Variants in NEO1 observed in about 807,000 individuals in gnomAD.
NEO1 encodes the protein neogenin 1.
NEO1 carries 63 observed loss-of-function variants against 159.7 expected under a neutral mutation model. The ratio of observed to expected loss-of-function variants is 0.39; its 90% CI spans 0.32 to 0.49. The LOEUF (loss-of-function observed/expected upper bound fraction) is 0.49, where lower values mean the gene tolerates loss of function less well. Ranked by LOEUF, NEO1 falls within the 20% of genes least tolerant of loss-of-function variation. The pLI is 0.85. For missense variants in NEO1, 1,615 were observed against 1,831.0 expected, an observed-to-expected ratio of 0.88 and a Z score of 2.15; for synonymous variants, 633 against 662.0, an observed-to-expected ratio of 0.96 and a Z score of 0.67.
At chr15:73,287,891 CA>C (rs1567701348) in intron 23 of NEO1, among the ~76,000 whole-genome samples, 5 of 148,714 alleles carry the variant, frequency 3.4e-5, no homozygotes, top group African/African-American at 9.9e-5. Context: ...AAAAAAAAAA[CA>C]AAAAAAGTTT....
In NEO1 at chr15:73,145,536, A is replaced by C. The variant is rs144007098; in HGVS notation, c.1015+9509A>C. Among the ~76,000 whole-genome samples the C allele has an allele frequency of 3.5e-3, 538 of 152,318 alleles. 3 individuals are homozygous for C. The highest frequency in any genetic ancestry group is 0.012 in the African/African-American group (505 of 41,582). ...AAAATTATAAACCACTTAAATGCCC[A>C]AAAATAGGTGATTGGTTAAATAAAA... On this transcript the variant is annotated intron_variant, in intron 5 of 28. Transcript: ENST00000261908.
intron 3 of NEO1, among the ~76,000 whole-genome samples, chr15:73,124,259 T>A (rs1377029265): frequency 6.6e-6 from 1 of 152,000 alleles, no homozygotes; most frequent in Non-Finnish European, 1.5e-5. Context: ...AGATGGATTT[T>A]GCCATATTGC....
intron 28 of NEO1, 95 bp from the exon 29 acceptor site, chr15:73,302,518 A>G (rs1208543415): frequency 8.1e-6 from 9 of 1,117,554 alleles, no homozygotes; most frequent in Non-Finnish European, 1.2e-5. Context: ...GGGCCATTTG[A>G]CTACTGACCA....
chr15:73,108,654 G>A (rs1292616286), intron 1 of NEO1, among the ~76,000 whole-genome samples: 1 of 152,188 alleles, frequency 6.6e-6, no homozygotes, highest in Non-Finnish European at 1.5e-5. Context: ...CCTTAGAAAA[G>A]AGGAAAAAGC....
chr15:73,104,146 G>A (rs1190829624), intron 1 of NEO1, among the ~76,000 whole-genome samples: 1 of 152,154 alleles, frequency 6.6e-6, no homozygotes, highest in East Asian at 1.9e-4. Flanking sequence ...ACAGGTGTGA[G>A]CCACTGCGAC....
intron 1 of NEO1, among the ~76,000 whole-genome samples, chr15:73,079,865 A>G (rs914701914): frequency 1.3e-5 from 2 of 152,232 alleles, no homozygotes; most frequent in African/African-American, 2.4e-5. Context: ...ATTGTATTAG[A>G]GGAAGGAATG....
chr15:73,147,078 T>A (rs2032963054), intron 5 of NEO1, among the ~76,000 whole-genome samples: 1 of 152,216 alleles, frequency 6.6e-6, no homozygotes, highest in South Asian at 2.1e-4. Context: ...ATTTCGAGCC[T>A]CTGGCAATGT....
chr15:73,289,096 C>T (rs1379552405), intron 24 of NEO1, 50 bp from the exon 25 acceptor site: 1 of 1,458,586 alleles, frequency 6.9e-7, no homozygotes, highest in South Asian at 1.2e-5. Context: ...TGAGGCTGCT[C>T]AGTGGCATAG....
chr15:73,249,697 G>T lies in NEO1; in HGVS notation c.1870G>T (p.Val624Phe). The change falls in exon 11 of 29, where the codon GTT becomes TTT. Residue 624 changes from valine (V) to phenylalanine (F), a missense_variant. By Grantham distance (50) the Val-to-Phe change is conservative (BLOSUM62 -1). Around this residue, in one of 3 missense-constraint regions of NEO1, gnomAD observed 1,018 missense variants for 1,115.4 expected, o/e 0.91. Transcript: ENST00000261908. ...TGGTCCTGGAGTTTCCACACCAGATGTTGCTGTTCGAACATTGTCAGATGG... is the reference window on the plus strand; with the variant it reads ...TGGTCCTGGAGTTTCCACACCAGATTTTGCTGTTCGAACATTGTCAGATGG... ...KHGPGVSTPDVAVRTLSDVPS... is the reference protein window; with the variant it reads ...KHGPGVSTPDFAVRTLSDVPS... 1 of 1,612,558 alleles carries T rather than the reference G, an allele frequency of 6.2e-7. No homozygotes were observed. Among genetic ancestry groups the T allele is most frequent in the South Asian group, 1.1e-5 (1 of 90,636 alleles).
chr15:73,268,133 A>G (rs897986397), intron 16 of NEO1, among the ~76,000 whole-genome samples: 2 of 152,000 alleles, frequency 1.3e-5, no homozygotes, highest in African/African-American at 4.8e-5. Context: ...AGACTACTAC[A>G]TGTTTGGTAG....
intron 1 of NEO1, among the ~76,000 whole-genome samples, chr15:73,089,748 A>G (rs2069576952): frequency 2.0e-5 from 3 of 152,206 alleles, no homozygotes; most frequent in African/African-American, 7.2e-5. Context: ...ATTTATCAAA[A>G]TTTAAAATAT....
intron 4 of NEO1, among the ~76,000 whole-genome samples, chr15:73,128,662 A>G (rs1027632121): frequency 1.3e-5 from 2 of 152,194 alleles, no homozygotes; most frequent in Non-Finnish European, 1.5e-5. Context: ...GGTAAGTGCT[A>G]TGAAGAAAAG....
chr15:73,072,900 G>A (rs544689717), intron 1 of NEO1, among the ~76,000 whole-genome samples: 1 of 152,328 alleles, frequency 6.6e-6, no homozygotes, highest in Admixed American at 6.5e-5. Flanking sequence ...AGAGGGACAT[G>A]TCAAAGATGA....
At chr15:73,236,242 G>A (rs748529725) in intron 7 of NEO1, 105 bp from the exon 8 acceptor site, 13 of 1,475,180 alleles carry the variant, frequency 8.8e-6, no homozygotes, top group East Asian at 2.3e-5. Context: ...TTTTAAAACC[G>A]TCGTGGTTTG....
chr15:73,260,186 G>A, intron 14 of NEO1, 85 bp from the exon 15 acceptor site: 1 of 1,283,272 alleles, frequency 7.8e-7, no homozygotes, highest in Non-Finnish European at 1.1e-6. Flanking sequence ...CAGTGTGGTA[G>A]GAAGCTAAAC....
Position 73,155,019 on chromosome 15 carries a change from T to G in NEO1, c.1015+18992T>G, listed in dbSNP as rs986289486. Among the ~76,000 whole-genome samples the G allele has an allele frequency of 2.1e-4, 31 of 147,930 alleles. 1 individual carries two copies. Among genetic ancestry groups the G allele is most frequent in the African/African-American group, 6.2e-4 (24 of 38,440 alleles). On this transcript the variant is annotated intron_variant, in intron 5 of 28. Coordinates refer to ENST00000261908, the MANE Select transcript of NEO1 (RefSeq NM_002499.4). ...AGTTTGTTTTATAAAGTCTTTGTGT[T>G]TTTTTTTTTAACTTGTGTTGTCATG...
intron 4 of NEO1, 23 bp from the exon 5 acceptor site, chr15:73,135,868 T>TC: frequency 7.5e-7 from 1 of 1,332,466 alleles, no homozygotes; most frequent in Non-Finnish European, 9.7e-7. Flanking sequence ...TGTATCTTTT[T>TC]TTTTTTTTTT....
intron 1 of NEO1, among the ~76,000 whole-genome samples, chr15:73,111,669 G>A (rs2070998398): frequency 6.6e-6 from 1 of 152,116 alleles, no homozygotes; most frequent in South Asian, 2.1e-4. Flanking sequence ...CACCCAGACT[G>A]GAGTGTAGTG....
chr15:73,060,088 T>TAA (rs2067905914), intron 1 of NEO1, among the ~76,000 whole-genome samples: 1 of 152,164 alleles, frequency 6.6e-6, no homozygotes. Flanking sequence ...CTAGTTAAGA[T>TAA]AATAGCATTA....
Sources: allele counts gnomAD v4.1 joint callset (sites outside exome capture counted in the v4.1 genomes callset), GRCh38; gene constraint gnomAD v4.1.1; regional missense constraint gnomAD v4.1.1; transcripts MANE v1.5; gene names NCBI Gene and HGNC (gene_info 2026-07-23, HGNC 2026-07-21).